NPSR1: variants seen among roughly 807,000 people sequenced by gnomAD.
The protein encoded by NPSR1 is neuropeptide S receptor 1.
Under a neutral mutation model 46.9 loss-of-function variants are expected in NPSR1, and 48 were observed. The observed-to-expected ratio is 1.02, with a 90% CI of 0.81 to 1.30. The LOEUF (loss-of-function observed/expected upper bound fraction) is 1.30, where lower values mean the gene tolerates loss of function less well. Among genes scored for constraint, NPSR1 ranks in the 50% most tolerant of loss-of-function variants. The probability of loss-of-function intolerance (pLI) is 0.00; values close to 1 mark genes in which losing one functional copy is unlikely to be tolerated. For synonymous variants in NPSR1, 176 were observed against 168.1 expected (o/e 1.05, Z -0.36); for missense variants, 450 against 449.5 (o/e 1.00, Z -0.01).
chr7:34,700,826 A>G (rs2128695696), intron 2 of NPSR1, among the ~76,000 whole-genome samples: 1 of 152,334 alleles, frequency 6.6e-6, no homozygotes, highest in Admixed American at 6.5e-5. Flanking sequence ...TGTGGTGAGG[A>G]TTAAATAAGA....
At chr7:34,747,805 C>G (rs757246841) in intron 2 of NPSR1, among the ~76,000 whole-genome samples, 2 of 152,162 alleles carry the variant, frequency 1.3e-5, no homozygotes, top group Non-Finnish European at 2.9e-5. Flanking sequence ...TTTTAGAACA[C>G]GACAAATCTT....
At chr7:34,785,025 T>C (rs918007931) in intron 3 of NPSR1, among the ~76,000 whole-genome samples, 1 of 152,042 alleles carries the variant, frequency 6.6e-6, no homozygotes, top group African/African-American at 2.4e-5. Context: ...GCCATCCCAT[T>C]ACTGGGTATT....
chr7:34,775,530 T>C (rs1047444393), intron 2 of NPSR1, among the ~76,000 whole-genome samples: 2 of 152,190 alleles, frequency 1.3e-5, no homozygotes, highest in Non-Finnish European at 2.9e-5. Flanking sequence ...TTGGTCATAG[T>C]TCAATCTTGG....
At chr7:34,690,996 T>C (rs918202044) in intron 2 of NPSR1, among the ~76,000 whole-genome samples, 2 of 152,054 alleles carry the variant, frequency 1.3e-5, no homozygotes, top group African/African-American at 4.8e-5. Context: ...TAATCACCTA[T>C]AAAGGAAATT....
At chr7:34,804,801 C>G (rs1166806840) in intron 3 of NPSR1, among the ~76,000 whole-genome samples, 2 of 151,600 alleles carry the variant, frequency 1.3e-5, no homozygotes, top group Admixed American at 6.6e-5. Context: ...AAAATAAAAA[C>G]AAACAAAAAA....
chr7:34,730,039 G>T (rs1378390481), intron 2 of NPSR1, among the ~76,000 whole-genome samples: 4 of 152,214 alleles, frequency 2.6e-5, no homozygotes, highest in Non-Finnish European at 5.9e-5. Flanking sequence ...CTCCCAAAGT[G>T]CTGGGATTAC....
chr7:34,790,043 C>A (rs1199131044), intron 3 of NPSR1, among the ~76,000 whole-genome samples: 5 of 152,034 alleles, frequency 3.3e-5, no homozygotes, highest in Non-Finnish European at 7.4e-5. Context: ...CAGCATTACT[C>A]TGATAACAAA....
intron 6 of NPSR1, among the ~76,000 whole-genome samples, chr7:34,835,677 T>A: frequency 6.6e-6 from 1 of 152,158 alleles, no homozygotes; most frequent in Non-Finnish European, 1.5e-5. Flanking sequence ...GATACATAAG[T>A]CTGGGTTCTT....
chr7:34,765,406 C>G (rs745868867), intron 2 of NPSR1, among the ~76,000 whole-genome samples: 1 of 152,122 alleles, frequency 6.6e-6, no homozygotes, highest in Non-Finnish European at 1.5e-5. Context: ...AAAAATACTT[C>G]ATGAAAGAGG....
downstream of NPSR1, among the ~76,000 whole-genome samples, chr7:34,853,681 C>A (rs1790989030): frequency 6.6e-6 from 1 of 152,148 alleles, no homozygotes; most frequent in African/African-American, 2.4e-5. Flanking sequence ...TTTTACACGG[C>A]CGGGCATGGT....
chr7:34,843,993 G>T (rs1790660434), intron 6 of NPSR1, among the ~76,000 whole-genome samples: 1 of 152,226 alleles, frequency 6.6e-6, no homozygotes, highest in Non-Finnish European at 1.5e-5. Context: ...GCAGGCCTGT[G>T]CTTATCAGAG....
chr7:34,811,906 TTGAG>T (rs762796972), intron 4 of NPSR1, 43 bp downstream of exon 4: 50 of 1,255,952 alleles, frequency 4.0e-5, no homozygotes, highest in Non-Finnish European at 5.4e-5. Context: ...AGAACTGTCC[TTGAG>T]TGAGGGTAGG....
At chr7:34,776,610 G>C (rs552214568) in intron 2 of NPSR1, among the ~76,000 whole-genome samples, 3 of 152,076 alleles carry the variant, frequency 2.0e-5, no homozygotes, top group African/African-American at 7.2e-5. Context: ...TATTGGTGAA[G>C]TGTGTTTCTT....
At chr7:34,790,457 G>T (rs766829233) in intron 3 of NPSR1, among the ~76,000 whole-genome samples, 16 of 151,444 alleles carry the variant, frequency 1.1e-4, no homozygotes, top group Non-Finnish European at 1.9e-4. Flanking sequence ...CTAAGATTAG[G>T]AACAAGATAA....
intron 2 of NPSR1, among the ~76,000 whole-genome samples, chr7:34,750,032 G>A (rs1222897094): frequency 1.3e-5 from 2 of 151,644 alleles, no homozygotes; most frequent in African/African-American, 4.8e-5. Flanking sequence ...AAAACAAGGA[G>A]ACTGGCAAAC....
chr7:34,858,323 G>T (rs1791097657), intron 8 of NPSR1, among the ~76,000 whole-genome samples: 1 of 151,680 alleles, frequency 6.6e-6, no homozygotes, highest in African/African-American at 2.4e-5. Flanking sequence ...ATAAATTATG[G>T]TGTATTTCAT....
At chr7:34,808,116 TG>T (rs1788800367) in intron 3 of NPSR1, among the ~76,000 whole-genome samples, 1 of 152,108 alleles carries the variant, frequency 6.6e-6, no homozygotes, top group Non-Finnish European at 1.5e-5. Context: ...TGGGCCGATA[TG>T]GTCACACGCC....
At position 34,828,717 on chromosome 7, in the gene NPSR1, T is replaced by C. The variant is rs946154928; in HGVS notation, c.680+1115T>C. ...CCTTGTACTTAAAACTGTACATGAG[T>C]CTCTGGTTATTTCCTCATAACTCAT... On this transcript the variant is annotated intron_variant, in intron 5 of 8. Transcript: ENST00000360581. 5.0e-4 allele frequency among the ~76,000 whole-genome samples: 76 copies of C among 152,210 alleles called. 1 individual carries two copies. The highest frequency in any genetic ancestry group is 1.8e-3 in the African/African-American group (76 of 41,460).
At chr7:34,845,548 T>C (rs2128763987) in intron 7 of NPSR1, 1 of 455,712 alleles carries the variant, frequency 2.2e-6, no homozygotes, top group Admixed American at 2.4e-5. Flanking sequence ...CTTCCTAATC[T>C]CATTTGTTCC....
Sources: allele counts gnomAD v4.1 joint callset (sites outside exome capture counted in the v4.1 genomes callset), GRCh38; gene constraint gnomAD v4.1.1; transcripts MANE v1.5; gene names NCBI Gene and HGNC (gene_info 2026-07-23, HGNC 2026-07-21).